Variants in WWOX observed in about 807,000 individuals in gnomAD.
WWOX encodes WW domain containing oxidoreductase.
Under a neutral mutation model 46.2 loss-of-function variants are expected in WWOX, and 69 were observed. That is an observed-to-expected ratio of 1.49 (90% CI 1.23 to 1.82). The LOEUF (loss-of-function observed/expected upper bound fraction) is 1.82, where lower values mean the gene tolerates loss of function less well. Among genes scored for constraint, WWOX ranks in the 40% most tolerant of loss-of-function variants. WWOX has a pLI of 0.00. For missense variants in WWOX, 919 were observed against 542.6 expected, an observed-to-expected ratio of 1.69 and a Z score of -6.89; for synonymous variants, 359 against 202.6, an observed-to-expected ratio of 1.77 and a Z score of -6.56.
chr16:78,960,079 G>A (rs1373668741), intron 8 of WWOX, among the ~76,000 whole-genome samples: 1 of 152,208 alleles, frequency 6.6e-6, no homozygotes, highest in East Asian at 1.9e-4. Flanking sequence ...ATGGCTACAG[G>A]TCAGGGTCAT....
intron 5 of WWOX, among the ~76,000 whole-genome samples, chr16:78,170,028 C>A (rs1248409337): frequency 1.3e-5 from 2 of 152,122 alleles, no homozygotes; most frequent in African/African-American, 4.8e-5. Flanking sequence ...GGGCAGGTGG[C>A]TCTCCCTTAG....
intron 8 of WWOX, among the ~76,000 whole-genome samples, chr16:78,449,797 G>T (rs561681772): frequency 1.3e-5 from 2 of 152,244 alleles, no homozygotes; most frequent in South Asian, 4.1e-4. Context: ...TGCTTTAGTA[G>T]AAGGGGCCCT....
chr16:78,687,757 A>G (rs536884365), intron 8 of WWOX, among the ~76,000 whole-genome samples: 42 of 152,134 alleles, frequency 2.8e-4, no homozygotes, highest in Non-Finnish European at 5.0e-4. Context: ...ACTGTATTTC[A>G]TATTCTCCAG....
In WWOX at chr16:78,825,875, A is replaced by C. The variant is rs1597677733; in HGVS notation, c.1057-385733A>C. The C allele has an allele frequency of 4.5e-6, 3 of 670,526 alleles. No homozygotes were observed. The East Asian group carries it at 8.0e-5, about 18-fold the overall frequency. The allele number at this position is 670,526 out of a possible 1,614,324, so 41.5% of individuals were successfully genotyped here. ...GGACCCCGCTGGTAAGACTGGCCCTAAGAAGCCTCTGCCTGACCACGTGAG... is the reference window on the plus strand; with the variant it reads ...GGACCCCGCTGGTAAGACTGGCCCTCAGAAGCCTCTGCCTGACCACGTGAG... On this transcript the variant is annotated intron_variant, in intron 8 of 8. Transcript: ENST00000566780.
intron 8 of WWOX, among the ~76,000 whole-genome samples, chr16:78,706,865 C>G (rs946498070): frequency 1.3e-5 from 2 of 152,062 alleles, no homozygotes; most frequent in Non-Finnish European, 2.9e-5. Context: ...TGACGCAATC[C>G]TGGCTGGCTG....
At chr16:78,482,822 T>C (rs1189531361) in intron 8 of WWOX, among the ~76,000 whole-genome samples, 1 of 152,150 alleles carries the variant, frequency 6.6e-6, no homozygotes, top group Non-Finnish European at 1.5e-5. Context: ...TTGGGAAGGA[T>C]CTATCTCACT....
At chr16:78,537,863 C>T (rs1167603519) in intron 8 of WWOX, among the ~76,000 whole-genome samples, 1 of 152,142 alleles carries the variant, frequency 6.6e-6, no homozygotes, top group African/African-American at 2.4e-5. Context: ...GTGGAAAAGC[C>T]TCTGGCCTCG....
At chr16:78,381,260 TAAC>T (rs1309456887) in intron 5 of WWOX, among the ~76,000 whole-genome samples, 4 of 152,350 alleles carry the variant, frequency 2.6e-5, no homozygotes, top group South Asian at 2.1e-4. Context: ...CACTGTTGCA[TAAC>T]AACAAGAAAC....
intron 8 of WWOX, among the ~76,000 whole-genome samples, chr16:79,009,243 G>A (rs867484663): frequency 6.6e-6 from 1 of 152,188 alleles, no homozygotes; most frequent in Non-Finnish European, 1.5e-5. Context: ...GTTACAAACG[G>A]TTTGGGCACT....
At chr16:78,308,844 T>C (rs1024563743) in intron 5 of WWOX, among the ~76,000 whole-genome samples, 5 of 152,220 alleles carry the variant, frequency 3.3e-5, no homozygotes, top group African/African-American at 1.2e-4. Flanking sequence ...ATAACACTTT[T>C]AACCAATTGC....
rs191727589 is a variant in WWOX, at chr16:78,906,509, G to T, written c.1057-305099G>T. On this transcript the variant is annotated intron_variant, in intron 8 of 8. Coordinates refer to ENST00000566780, the MANE Select transcript of WWOX (RefSeq NM_016373.4). ...GTCCCCATCTCTTCACTTGTGCTGT[G>T]CAAAATCAGGCCACGATTGCAGGGT... 2.6e-5 allele frequency among the ~76,000 whole-genome samples: 4 copies of T among 152,090 alleles called. No individual in the cohort carries two copies. In the East Asian group the frequency reaches 7.7e-4, roughly 29 times the overall value.
chr16:78,141,981 A>C (rs1013088100), intron 4 of WWOX, among the ~76,000 whole-genome samples: 2 of 127,842 alleles, frequency 1.6e-5, no homozygotes, highest in South Asian at 5.0e-4. Context: ...TTCCTTATAA[A>C]ATTTTAAATT....
At chr16:78,102,808 C>A (rs1049828082) in intron 1 of WWOX, among the ~76,000 whole-genome samples, 7 of 152,270 alleles carry the variant, frequency 4.6e-5, no homozygotes, top group African/African-American at 1.7e-4. Flanking sequence ...TGCTTGGCAC[C>A]CAGAAGCCAT....
intron 8 of WWOX, among the ~76,000 whole-genome samples, chr16:78,785,607 T>A (rs1195301075): frequency 6.6e-6 from 1 of 151,392 alleles, no homozygotes; most frequent in African/African-American, 2.5e-5. Flanking sequence ...TTCGAGATAG[T>A]CAGTTTTTAC....
At chr16:79,136,207 G>A (rs372308623) in intron 8 of WWOX, among the ~76,000 whole-genome samples, 25 of 151,668 alleles carry the variant, frequency 1.6e-4, no homozygotes, top group African/African-American at 5.3e-4. Flanking sequence ...CCATGAAGGT[G>A]CAACTGGCAT....
chr16:78,594,429 G>GCCTCCCCCCCCCCC (rs1171391505), intron 8 of WWOX, among the ~76,000 whole-genome samples: 4 of 32,380 alleles, frequency 1.2e-4, no homozygotes, highest in African/African-American at 1.4e-4. Flanking sequence ...CTGAGGAAAG[G>GCCTCCCCCCCCCCC]CCCCCCCCCC....
At position 78,123,440 on chromosome 16, in the gene WWOX, G is replaced by GTTTTGTTTTGTTTTTTTTTTTTT. The variant is rs1567584444; in HGVS notation, c.409+8290_409+8291insGTTTTGTTTTTTTTTTTTTTTTT. 1.6e-4 allele frequency: 8 copies of GTTTTGTTTTGTTTTTTTTTTTTT among 50,500 alleles called. 1 individual carries two copies. The highest frequency in any genetic ancestry group is 7.3e-4 in the Admixed American group (3 of 4,128). The allele number at this position is 50,500 out of a possible 1,614,324, so 3.1% of individuals were successfully genotyped here. A position where few individuals can be genotyped will look rare whatever the true frequency, so the allele number is the denominator to read the frequency against. The stretch of plus-strand genomic sequence containing the variant: ...TGTTTTTTTCTTTGTTTTTTGTTTT[G>GTTTTGTTTTGTTTTTTTTTTTTT]TTTTTTTTTTTTTTGTTTTTTTTTT... On this transcript the variant is annotated intron_variant, in intron 4 of 8. Transcript: ENST00000566780.
At chr16:79,169,522 G>C (rs1357814895) in intron 8 of WWOX, among the ~76,000 whole-genome samples, 1 of 152,180 alleles carries the variant, frequency 6.6e-6, no homozygotes, top group Non-Finnish European at 1.5e-5. Flanking sequence ...CCACCTCCTG[G>C]CTGTCCTTTT....
At chr16:78,868,095 T>G (rs959034730) in intron 8 of WWOX, among the ~76,000 whole-genome samples, 2 of 152,150 alleles carry the variant, frequency 1.3e-5, no homozygotes, top group East Asian at 1.9e-4. Context: ...CATAGCAGCA[T>G]CATCCATGAT....
Sources: allele counts gnomAD v4.1 joint callset (sites outside exome capture counted in the v4.1 genomes callset), GRCh38; gene constraint gnomAD v4.1.1; transcripts MANE v1.5; gene names NCBI Gene and HGNC (gene_info 2026-07-23, HGNC 2026-07-21).